The following PAICS variants were observed in gnomAD, a reference collection of about 807,000 sequenced individuals.
PAICS encodes the protein bifunctional phosphoribosylaminoimidazole carboxylase/phosphoribosylaminoimidazole succinocarboxamide synthetase.
PAICS carries 33 observed loss-of-function variants against 53.7 expected under a neutral mutation model. The ratio of observed to expected loss-of-function variants is 0.61; its 90% CI spans 0.47 to 0.82. The LOEUF (loss-of-function observed/expected upper bound fraction) is 0.82. Ranked by LOEUF, PAICS falls within the 40% of genes least tolerant of loss-of-function variation. PAICS has a pLI of 0.00. For synonymous variants in PAICS, 141 were observed against 167.2 expected (o/e 0.84, Z 1.21); for missense variants, 394 against 494.1 (o/e 0.80, Z 1.92).
Position 56,446,746 on chromosome 4 carries a change from C to G in PAICS, c.266C>G (p.Pro89Arg). The change falls in exon 3 of 9, where the codon CCG (proline) becomes CGG (arginine). Residue 89 changes from proline (P) to arginine (R), a missense_variant. Around this residue, in one of 3 missense-constraint regions of PAICS, gnomAD observed 168 missense variants for 199.3 expected, o/e 0.84. Transcript: ENST00000512576. ...TGTGGGGAGACAGCTTTCATTGCAC[C>G]GCAGTGTGAAATGATTCCAATTGAA... Reference protein sequence around the residue: ...RKCGETAFIAPQCEMIPIEWV... With the variant: ...RKCGETAFIARQCEMIPIEWV... 6.2e-7 allele frequency: 1 copy of G among 1,604,468 alleles called. No homozygotes were observed. Among genetic ancestry groups the G allele is most frequent in the Non-Finnish European group, 8.5e-7 (1 of 1,174,194 alleles).
At chr4:56,453,537 A>AAC in intron 7 of PAICS, 66 bp from the exon 8 acceptor site, 1 of 1,265,332 alleles carries the variant, frequency 7.9e-7, no homozygotes, top group African/African-American at 1.5e-5. Flanking sequence ...CCAAAAAAAA[A>AAC]AAAAAACCCT....
At chr4:56,425,454 T>C in the PAICS span, 5 of 883,460 alleles carry the variant, frequency 5.7e-6, no homozygotes, top group Non-Finnish European at 5.4e-6. Context: ...AGCTCAGACA[T>C]AGGTATGCTG....
In PAICS at chr4:56,436,323, C is replaced by T; in HGVS notation, c.11C>T (p.Ala4Val). 4.4e-6 allele frequency: 7 copies of T among 1,600,756 alleles called. No individual in the cohort carries two copies. The highest frequency in any genetic ancestry group is 1.7e-4 in the Middle Eastern group (1 of 6,040). Residue 4 changes from alanine to valine, a missense_variant, in exon 1 of 9, where the codon GCT (alanine) becomes GTT (valine). By Grantham distance (64) the Ala-to-Val change is moderately conservative. Coordinates refer to ENST00000512576, the MANE Select transcript of PAICS (RefSeq NM_001079524.2). MAT[A>V]EVLNIGKKLY... ...AGCCCACTTAGGATAATGGCGACAG[C>T]TGAGGGTGAGTAACAGGGATCCGGG...
At chr4:56,421,386 T>C in the PAICS span, 1 of 152,368 alleles carries the variant, frequency 6.6e-6, no homozygotes, top group South Asian at 2.1e-4. Flanking sequence ...GCACAATAAA[T>C]GTAATGCACT....
chr4:56,440,411 G>T (rs1182351411), intron 1 of PAICS, among the ~76,000 whole-genome samples: 1 of 152,082 alleles, frequency 6.6e-6, no homozygotes, highest in Non-Finnish European at 1.5e-5. Flanking sequence ...TTGTTTAATG[G>T]TTACCTCCAC....
In PAICS at chr4:56,450,638, A is replaced by T; in HGVS notation, c.707A>T (p.Glu236Val). 6.5e-7 allele frequency: 1 copy of T among 1,535,252 alleles called. No individual in the cohort carries two copies. Among genetic ancestry groups the T allele is most frequent in the South Asian group, 1.2e-5 (1 of 83,990 alleles). ...TTCTAGTCTTATCGGGACCTCAAAG[A>T]AGTAACTCCTGAAGGGCTCCAAATG... ...KDKQSYRDLK[E>V]VTPEGLQMVK... Residue 236 changes from glutamate (E) to valine (V), a missense_variant, in exon 6 of 9, where the codon GAA (glutamate) becomes GTA (valine). Physicochemically the swap from Glu to Val is moderately radical, Grantham distance 121. Coordinates refer to ENST00000512576, the MANE Select transcript of PAICS (RefSeq NM_001079524.2).
At chr4:56,418,264 C>G in the PAICS span, among the ~76,000 whole-genome samples, 3 of 152,282 alleles carry the variant, frequency 2.0e-5, no homozygotes, top group South Asian at 2.1e-4. Context: ...GGTCTCTCCA[C>G]TACACTCTAG....
chr4:56,457,279 G>A (rs935404738), intron 8 of PAICS, among the ~76,000 whole-genome samples: 2 of 152,152 alleles, frequency 1.3e-5, no homozygotes, highest in Non-Finnish European at 2.9e-5. Context: ...TAGGCATGGT[G>A]GCACACGCCT....
intron 1 of PAICS, among the ~76,000 whole-genome samples, chr4:56,438,532 C>G (rs1297853934): frequency 6.6e-6 from 1 of 151,782 alleles, no homozygotes; most frequent in Non-Finnish European, 1.5e-5. Flanking sequence ...TTTCCAGGTT[C>G]AAGTGATTCT....
At chr4:56,414,919 A>T in the PAICS span, among the ~76,000 whole-genome samples, 1 of 152,324 alleles carries the variant, frequency 6.6e-6, no homozygotes, top group African/African-American at 2.4e-5. Context: ...CTGATTTAAA[A>T]TTTTTGACAA....
chr4:56,438,252 C>T (rs1005321702), intron 1 of PAICS, among the ~76,000 whole-genome samples: 1 of 151,554 alleles, frequency 6.6e-6, no homozygotes, highest in Non-Finnish European at 1.5e-5. Context: ...TCATTATATA[C>T]ATTTTATTTA....
chr4:56,436,395 T>G, intron 1 of PAICS, 67 bp downstream of exon 1: 1 of 1,245,972 alleles, frequency 8.0e-7, no homozygotes, highest in Non-Finnish European at 1.2e-6. Flanking sequence ...CGCGGCCACG[T>G]GCGAGCCGCG....
At chr4:56,413,521 A>G in the PAICS span, among the ~76,000 whole-genome samples, 1 of 152,218 alleles carries the variant, frequency 6.6e-6, no homozygotes, top group Non-Finnish European at 1.5e-5. Flanking sequence ...TAGCCATGAT[A>G]GCGTCCCTTC....
the PAICS span, chr4:56,416,400 CT>C: frequency 1.1e-6 from 1 of 904,348 alleles, no homozygotes; most frequent in Non-Finnish European, 1.3e-6. Context: ...TCAGGAAATC[CT>C]TTACTTCTGG....
intron 1 of PAICS, among the ~76,000 whole-genome samples, chr4:56,440,599 C>T (rs1289259020): frequency 1.3e-5 from 2 of 152,176 alleles, no homozygotes. Context: ...ATCAACACTA[C>T]CTACCCCTTT....
the PAICS span, chr4:56,420,805 A>G: frequency 6.6e-6 from 1 of 152,214 alleles, no homozygotes; most frequent in African/African-American, 2.4e-5. Context: ...AAATGTCTTT[A>G]AAGTATATTT....
In PAICS at chr4:56,437,256, G is replaced by GGTGTGTGTGTGT. The variant is rs57161391; in HGVS notation, c.16+959_16+970dup. 8.7e-3 allele frequency among the ~76,000 whole-genome samples: 1,088 copies of GGTGTGTGTGTGT among 124,368 alleles called. 9 individuals are homozygous for GGTGTGTGTGTGT. The highest frequency in any genetic ancestry group is 0.016 in the African/African-American group (493 of 31,698). The allele number at this position is 124,368 out of a possible 152,430, so 81.6% of individuals were successfully genotyped here. A position where few individuals can be genotyped will look rare whatever the true frequency, so the allele number is the denominator to read the frequency against. ...TTTAGGTAGTCTTTGATGCCATGAT[G>GGTGTGTGTGTGT]GTGTGTGTGTGTGTGTGTGTGTGTG... On this transcript the variant is annotated intron_variant, in intron 1 of 8. Coordinates refer to ENST00000512576, the MANE Select transcript of PAICS (RefSeq NM_001079524.2).
At chr4:56,414,748 C>A in the PAICS span, among the ~76,000 whole-genome samples, 10 of 152,128 alleles carry the variant, frequency 6.6e-5, 1 homozygote, top group African/African-American at 2.4e-4. Context: ...AGAAACCCTG[C>A]CTTTATTTAC....
chr4:56,429,800 C>A, the PAICS span, among the ~76,000 whole-genome samples: 1 of 152,178 alleles, frequency 6.6e-6, no homozygotes, highest in African/African-American at 2.4e-5. Flanking sequence ...TCCTTCCGCC[C>A]CCATAAACAT....
Sources: allele counts gnomAD v4.1 joint callset (sites outside exome capture counted in the v4.1 genomes callset), GRCh38; gene constraint gnomAD v4.1.1; regional missense constraint gnomAD v4.1.1; transcripts MANE v1.5; gene names NCBI Gene and HGNC (gene_info 2026-07-23, HGNC 2026-07-21).